The following MRPS5 variants were observed in gnomAD, a reference collection of about 807,000 sequenced individuals.
MRPS5 encodes small ribosomal subunit protein uS5m.
Under a neutral mutation model 51.9 loss-of-function variants are expected in MRPS5, and 27 were observed. The observed-to-expected ratio is 0.52, with a 90% CI of 0.38 to 0.72. MRPS5 has a LOEUF of 0.72. Ranked by LOEUF, MRPS5 falls within the 30% of genes least tolerant of loss-of-function variation. MRPS5 has a pLI of 0.00. For missense variants in MRPS5, 570 were observed against 545.7 expected, an observed-to-expected ratio of 1.04 and a Z score of -0.44; for synonymous variants, 196 against 193.2, an observed-to-expected ratio of 1.01 and a Z score of -0.12.
intron 4 of MRPS5, among the ~76,000 whole-genome samples, chr2:95,108,956 T>C (rs1027202587): frequency 2.0e-5 from 3 of 152,078 alleles, no homozygotes; most frequent in African/African-American, 7.2e-5. Flanking sequence ...CCTTTTGTAT[T>C]CATCTTTTTA....
Position 95,104,628 on chromosome 2 carries a change from C to A in MRPS5, c.763+12G>T. 1.2e-6 allele frequency: 2 copies of A among 1,613,774 alleles called. No individual in the cohort carries two copies. The highest frequency in any genetic ancestry group is 1.7e-6 in the Non-Finnish European group (2 of 1,179,632). ...CACCACCGCCACTGTGATGCCATCA[C>A]TCCCCATTCACCTGCAGCTCCTTTT... On this transcript the variant is annotated intron_variant, in intron 7 of 11. Coordinates refer to ENST00000272418, the MANE Select transcript of MRPS5 (RefSeq NM_031902.5).
chr2:95,117,150 A>G (rs536517398), intron 2 of MRPS5, among the ~76,000 whole-genome samples: 20 of 152,036 alleles, frequency 1.3e-4, no homozygotes, highest in African/African-American at 4.3e-4. Context: ...CAAAAAGAAA[A>G]AAAAAAAAAA....
Position 95,090,508 on chromosome 2 carries a change from A to C in MRPS5, c.946T>G (p.Cys316Gly). 6.2e-7 allele frequency: 1 copy of C among 1,614,124 alleles called. No homozygotes were observed. Residue 316 changes from cysteine (C) to glycine (G), a missense_variant, in exon 11 of 12, where the codon TGC becomes GGC. Transcript: ENST00000272418. The part of the protein sequence containing the change: ...KKQPKGYGLR[C>G]HRAIITICRL... ...CAGATGGTGATGATGGCCCTGTGGCAGCGGAGGCCGTAACCTAGAAAAGGA... is the reference window on the plus strand; with the variant it reads ...CAGATGGTGATGATGGCCCTGTGGCCGCGGAGGCCGTAACCTAGAAAAGGA...
At position 95,117,874 on chromosome 2, in the gene MRPS5, G is replaced by A. The variant is rs564899358; in HGVS notation, c.130C>T (p.Leu44Phe). The change falls in exon 2 of 12, where the codon CTC (leucine) becomes TTC (phenylalanine). Residue 44 changes from leucine to phenylalanine, a missense_variant. Leu to Phe is a conservative substitution (Grantham distance 22, BLOSUM62 0). Coordinates refer to ENST00000272418, the MANE Select transcript of MRPS5 (RefSeq NM_031902.5). ...AASILAWKSV[L>F]GNGHLSSLGT... Reference sequence around the variant, plus strand: ...CATTAATGAATCTCACCATTGCCGAGAACACTCTTCCATGCCAAAATGGAA... The same window carrying A: ...CATTAATGAATCTCACCATTGCCGAAAACACTCTTCCATGCCAAAATGGAA... 4.4e-6 allele frequency: 7 copies of A among 1,606,576 alleles called. No individual in the cohort carries two copies. The highest frequency in any genetic ancestry group is 2.2e-5 in the East Asian group (1 of 44,640).
intron 3 of MRPS5, among the ~76,000 whole-genome samples, chr2:95,112,172 C>T (rs1676140206): frequency 6.6e-6 from 1 of 152,120 alleles, no homozygotes; most frequent in South Asian, 2.1e-4. Context: ...TCAAGAGATT[C>T]TCCTGCCTCA....
chr2:95,112,948 T>C (rs1271884327), intron 3 of MRPS5, among the ~76,000 whole-genome samples: 2 of 149,296 alleles, frequency 1.3e-5, no homozygotes, highest in Non-Finnish European at 3.0e-5. Flanking sequence ...GAGCTTGCAG[T>C]GAGCTGAGAT....
chr2:95,094,446 G>T (rs1675560970), intron 10 of MRPS5, among the ~76,000 whole-genome samples: 1 of 152,182 alleles, frequency 6.6e-6, no homozygotes, highest in South Asian at 2.1e-4. Flanking sequence ...ATTCACCAAG[G>T]TTGAAATGAA....
intron 10 of MRPS5, among the ~76,000 whole-genome samples, chr2:95,096,875 A>G (rs1210112110): frequency 6.6e-6 from 1 of 152,222 alleles, no homozygotes; most frequent in Non-Finnish European, 1.5e-5. Flanking sequence ...AGGGTATTCA[A>G]TTAGGAAAAG....
intron 10 of MRPS5, 145 bp downstream of exon 10, chr2:95,100,329 T>C: frequency 1.6e-6 from 1 of 614,684 alleles, no homozygotes; most frequent in East Asian, 2.9e-5. Flanking sequence ...AAGAGCCTCA[T>C]CGTTCTTAAA....
At chr2:95,100,662 G>T in intron 9 of MRPS5, 126 bp from the exon 10 acceptor site, 1 of 891,722 alleles carries the variant, frequency 1.1e-6, no homozygotes, top group Non-Finnish European at 1.7e-6. Context: ...TAAATGGTAA[G>T]CTCTGATTTC....
intron 3 of MRPS5, among the ~76,000 whole-genome samples, 163 bp from the exon 4 acceptor site, chr2:95,110,204 G>C (rs753325741): frequency 6.6e-6 from 1 of 152,090 alleles, no homozygotes; most frequent in African/African-American, 2.4e-5. Context: ...CACATCAGAC[G>C]GTTACACTTG....
upstream of MRPS5, chr2:95,121,978 G>A (rs1171084780): frequency 3.5e-5 from 22 of 629,492 alleles, no homozygotes; most frequent in Non-Finnish European, 5.1e-5. Flanking sequence ...AGCCCGGCGC[G>A]ACCGCGGACA....
chr2:95,088,623 C>A (rs543769803), intron 11 of MRPS5, among the ~76,000 whole-genome samples: 1 of 152,338 alleles, frequency 6.6e-6, no homozygotes, highest in Non-Finnish European at 1.5e-5. Flanking sequence ...CAATCAAAGG[C>A]ATATCACCTA....
At chr2:95,097,380 C>A (rs1675658759) in intron 10 of MRPS5, among the ~76,000 whole-genome samples, 3 of 152,122 alleles carry the variant, frequency 2.0e-5, no homozygotes, top group Admixed American at 2.0e-4. Flanking sequence ...AAAAAGAGCC[C>A]GCATTGCCAA....
In MRPS5 at chr2:95,121,763, C is replaced by T. The variant is rs751330634; in HGVS notation, c.29G>A (p.Cys10Tyr). 2 of 1,553,720 alleles carry T rather than the reference C, an allele frequency of 1.3e-6. No homozygotes were observed. The highest frequency in any genetic ancestry group is 1.2e-5 in the South Asian group (1 of 85,062). The change falls in exon 1 of 12, where the codon TGC becomes TAC. Residue 10 changes from cysteine (C) to tyrosine (Y), a missense_variant. By Grantham distance (194) the Cys-to-Tyr change is radical. Coordinates refer to ENST00000272418, the MANE Select transcript of MRPS5 (RefSeq NM_031902.5). ...CGTCCCGCTACACAGCACGGGGAGGCAGCCCACAGCGCGCACCGCGGTCGC... is the reference window on the plus strand; with the variant it reads ...CGTCCCGCTACACAGCACGGGGAGGTAGCCCACAGCGCGCACCGCGGTCGC... MATAVRAVG[C>Y]LPVLCSGTAG...
intron 1 of MRPS5, among the ~76,000 whole-genome samples, chr2:95,119,660 GAC>G (rs1676385215): frequency 6.6e-6 from 1 of 150,594 alleles, no homozygotes; most frequent in Non-Finnish European, 1.5e-5. Context: ...TAGTAAAAAA[GAC>G]AGACATTAAG....
In MRPS5 at chr2:95,104,739, C is replaced by A; in HGVS notation, c.673-9G>T. Reference sequence around the variant, plus strand: ...GTGAAAACGTTTCTTACCTAAAAGGCAAAATGTCTCATAAATATTGCACAT... The same window carrying A: ...GTGAAAACGTTTCTTACCTAAAAGGAAAAATGTCTCATAAATATTGCACAT... On this transcript the variant is annotated splice_polypyrimidine_tract_variant and intron_variant, in intron 6 of 11. Coordinates refer to ENST00000272418, the MANE Select transcript of MRPS5 (RefSeq NM_031902.5). 6.2e-7 allele frequency: 1 copy of A among 1,612,952 alleles called. No homozygotes were observed. The highest frequency in any genetic ancestry group is 8.5e-7 in the Non-Finnish European group (1 of 1,179,180).
intron 4 of MRPS5, among the ~76,000 whole-genome samples, chr2:95,109,212 T>C (rs1221881610): frequency 6.6e-6 from 1 of 152,096 alleles, no homozygotes; most frequent in African/African-American, 2.4e-5. Context: ...AAAAATAAGA[T>C]ATAAGTAATA....
chr2:95,117,910 A>G lies in MRPS5; in HGVS notation c.94T>C (p.Leu32=). 6.2e-7 allele frequency: 1 copy of G among 1,608,786 alleles called. No individual in the cohort carries two copies. The highest frequency in any genetic ancestry group is 2.2e-5 in the East Asian group (1 of 44,804). ...CATGCCAAAATGGAAGCTGCTGGTA[A>G]GGTGTTTAGGGAACACTGCCTCCCC... is the stretch of plus-strand genomic sequence containing the variant. ...LLGRQCSLNT[L]PAASILAWKS... is the part of the protein sequence containing the mutation. The change falls in exon 2 of 12, where the codon TTA becomes CTA. Residue 32 remains leucine (L), a synonymous_variant. Transcript: ENST00000272418.
Sources: allele counts gnomAD v4.1 joint callset (sites outside exome capture counted in the v4.1 genomes callset), GRCh38; gene constraint gnomAD v4.1.1; transcripts MANE v1.5; gene names NCBI Gene and HGNC (gene_info 2026-07-23, HGNC 2026-07-21).